Variants in ABR observed in about 807,000 individuals in gnomAD.
The protein encoded by ABR is ABR activator of RhoGEF and GTPase.
Under a neutral mutation model 107.2 loss-of-function variants are expected in ABR, and 35 were observed. The observed-to-expected ratio is 0.33, with a 90% CI of 0.25 to 0.43. The LOEUF is 0.43. Ranked by LOEUF, ABR falls within the 20% of genes least tolerant of loss-of-function variation. The probability of loss-of-function intolerance (pLI) is 1.00; values close to 1 mark genes in which losing one functional copy is unlikely to be tolerated. For missense variants in ABR, 815 were observed against 1,115.2 expected (o/e 0.73, Z 3.83); for synonymous variants, 498 against 462.0 (o/e 1.08, Z -1.00).
chr17:1,144,186 G>T (rs374907909), intron 1 of ABR, among the ~76,000 whole-genome samples: 4 of 152,290 alleles, frequency 2.6e-5, no homozygotes, highest in East Asian at 1.9e-4. Context: ...AGACAGTTAT[G>T]TGCCCACCGA....
In ABR at chr17:1,151,951, G is replaced by A. The variant is rs568032067; in HGVS notation, c.62-26584C>T. On this transcript the variant is annotated intron_variant, in intron 1 of 22. Transcript: ENST00000302538. ...AGGTGGATCACGAGGTCAGGAGATC[G>A]AGACCATCCTGGCTAACACGGGGAA... Among the ~76,000 whole-genome samples the A allele has an allele frequency of 1.5e-4, 23 of 151,542 alleles. No homozygotes were observed. The East Asian group carries it at 1.6e-3, about 11-fold the overall frequency.
At chr17:1,152,597 A>C (rs1423118045) in intron 1 of ABR, among the ~76,000 whole-genome samples, 1 of 152,054 alleles carries the variant, frequency 6.6e-6, no homozygotes, top group African/African-American at 2.4e-5. Flanking sequence ...GTCTCAAAAA[A>C]AAAAAAAGAC....
chr17:1,112,242 C>T (rs865835879), intron 2 of ABR, among the ~76,000 whole-genome samples: 1 of 152,354 alleles, frequency 6.6e-6, no homozygotes, highest in Middle Eastern at 3.4e-3. Context: ...CGTTCTCAGG[C>T]TCTCGATCCG....
upstream of ABR, among the ~76,000 whole-genome samples, chr17:1,191,099 G>A (rs1276574648): frequency 6.6e-6 from 1 of 152,166 alleles, no homozygotes; most frequent in Non-Finnish European, 1.5e-5. Flanking sequence ...AGGTCTGCTG[G>A]GGGCCTGTGC....
At position 1,035,343 on chromosome 17, in the gene ABR, C is replaced by T. The variant is rs539118793; in HGVS notation, c.1791+14707G>A. On this transcript the variant is annotated intron_variant, in intron 16 of 22. Transcript: ENST00000302538. ...CTCCTTCCATCCCCTAAACCTGCTC[C>T]CCCCCACCCCTTCCACCCCCTACAC... 5.5e-3 allele frequency among the ~76,000 whole-genome samples: 678 copies of T among 123,896 alleles called. 9 individuals are homozygous for T. The highest frequency in any genetic ancestry group is 0.02 in the African/African-American group (637 of 32,260). The allele number at this position is 123,896 out of a possible 152,430, so 81.3% of individuals were successfully genotyped here. A position where few individuals can be genotyped will look rare whatever the true frequency, so the allele number is the denominator to read the frequency against.
intron 8 of ABR, among the ~76,000 whole-genome samples, 186 bp downstream of exon 8, chr17:1,072,428 C>A (rs2035313181): frequency 1.0e-5 from 1 of 100,086 alleles, no homozygotes; most frequent in Non-Finnish European, 2.0e-5. Context: ...GAGGGACCTG[C>A]CGCCCGTGTG....
In ABR at chr17:1,070,889, G is replaced by A. The variant is rs544859851; in HGVS notation, c.895-799C>T. 8.5e-4 allele frequency among the ~76,000 whole-genome samples: 130 copies of A among 152,294 alleles called. No homozygotes were observed. Among genetic ancestry groups the A allele is most frequent in the African/African-American group, 2.9e-3 (120 of 41,576 alleles). On this transcript the variant is annotated intron_variant, in intron 8 of 22. Coordinates refer to ENST00000302538, the MANE Select transcript of ABR (RefSeq NM_021962.5). This position sits in a 1 kb window ranked among gnomAD's most constrained non-coding sequence, Gnocchi z 4.2. ...ACAATTAAGATGACCGAGGCCGGGC[G>A]CAGTGGTTCACACCTGTCATCCCAG...
chr17:1,157,965 G>A lies in ABR; in HGVS notation c.61+21702C>T, dbSNP rs747411488. On this transcript the variant is annotated intron_variant, in intron 1 of 22. Transcript: ENST00000302538. The surrounding 1 kb of genome is among the most constrained non-coding windows in gnomAD (Gnocchi z 4.7). ...TTACTTTATGAGGCTCATTTCAAGC[G>A]TGCATGGGTATATGTGTGTGTGCAG... is the stretch of plus-strand genomic sequence containing the variant. Among the ~76,000 whole-genome samples, 2 of 152,240 alleles carry A rather than the reference G, an allele frequency of 1.3e-5. No homozygotes were observed. The highest frequency in any genetic ancestry group is 2.9e-5 in the Non-Finnish European group (2 of 68,050).
intron 9 of ABR, among the ~76,000 whole-genome samples, chr17:1,067,619 A>G (rs191875073): frequency 9.9e-5 from 15 of 152,266 alleles, no homozygotes; most frequent in Middle Eastern, 3.4e-3. Flanking sequence ...CGTGTTCAAT[A>G]TCCTTCAGGC....
At chr17:1,207,574 G>A (rs1258233160) in intron 1 of ABR, among the ~76,000 whole-genome samples, 4 of 149,310 alleles carry the variant, frequency 2.7e-5, no homozygotes, top group East Asian at 2.1e-4. Context: ...GCTTGAACTC[G>A]GGAGGTGGAA....
intron 1 of ABR, among the ~76,000 whole-genome samples, chr17:1,164,232 G>A (rs2041413034): frequency 6.7e-6 from 1 of 150,124 alleles, no homozygotes. Flanking sequence ...AGTGAACATG[G>A]ATGTCGGAGG....
chr17:1,016,362 G>C (rs1330965377), intron 16 of ABR, among the ~76,000 whole-genome samples: 1 of 150,886 alleles, frequency 6.6e-6, no homozygotes, highest in African/African-American at 2.4e-5. Flanking sequence ...TGTCGCCCAG[G>C]CTGGAGTGCA....
chr17:1,177,720 A>G (rs187630037), intron 1 of ABR, among the ~76,000 whole-genome samples: 109 of 152,362 alleles, frequency 7.2e-4, no homozygotes, highest in African/African-American at 2.6e-3. Flanking sequence ...GCAAAGAGCC[A>G]GAAACACTCA....
chr17:1,061,003 AAAAC>A (rs1567676312), intron 10 of ABR, among the ~76,000 whole-genome samples: 1 of 152,038 alleles, frequency 6.6e-6, no homozygotes, highest in African/African-American at 2.4e-5. Context: ...ATCTCAAAAA[AAAAC>A]AAAAAACAAA....
chr17:1,178,108 G>A (rs1162293861), intron 1 of ABR: 1 of 152,386 alleles, frequency 6.6e-6, no homozygotes, highest in Non-Finnish European at 1.5e-5. Context: ...GGCGGGTGGA[G>A]AAGAAGATAC....
Position 1,054,754 on chromosome 17 carries a change from T to G in ABR, c.1561+1281A>C, listed in dbSNP as rs373016311. On this transcript the variant is annotated intron_variant, in intron 14 of 22. Transcript: ENST00000302538. ...GGGGCACAAGGAACCTGAGGGGATG[T>G]GGGCACAAAGAAGGGACAAAGAAGG... Among the ~76,000 whole-genome samples the G allele has an allele frequency of 4.1e-4, 57 of 140,334 alleles. 7 individuals carry two copies. Among genetic ancestry groups the G allele is most frequent in the African/African-American group, 1.4e-3 (51 of 36,470 alleles). 92.1% of individuals were successfully genotyped at this position (140,334 alleles called of 152,430 possible). A position where few individuals can be genotyped will look rare whatever the true frequency, so the allele number is the denominator to read the frequency against.
At chr17:1,168,692 G>A (rs2041601787) in intron 1 of ABR, among the ~76,000 whole-genome samples, 1 of 152,222 alleles carries the variant, frequency 6.6e-6, no homozygotes, top group African/African-American at 2.4e-5. Context: ...GGAGGGGCTT[G>A]AGGACAGACA....
chr17:1,093,402 G>C (rs1458340423), intron 3 of ABR, among the ~76,000 whole-genome samples: 2 of 152,110 alleles, frequency 1.3e-5, no homozygotes, highest in Admixed American at 1.3e-4. Context: ...TCAGGAGGCA[G>C]AGGTTGCAGT....
At position 1,070,923 on chromosome 17, in the gene ABR, G is replaced by A. The variant is rs1345121283; in HGVS notation, c.895-833C>T. ...CACACCTGTCATCCCAGCAATTTGGGAGGCTGAGGCGGGTGGATCACCTGA... is the reference window on the plus strand; with the variant it reads ...CACACCTGTCATCCCAGCAATTTGGAAGGCTGAGGCGGGTGGATCACCTGA... On this transcript the variant is annotated intron_variant, in intron 8 of 22. Transcript: ENST00000302538. The surrounding 1 kb of genome is among the most constrained non-coding windows in gnomAD (Gnocchi z 4.2). Among the ~76,000 whole-genome samples the A allele has an allele frequency of 6.6e-6, 1 of 152,202 alleles. No individual in the cohort carries two copies. The highest frequency in any genetic ancestry group is 2.4e-5 in the African/African-American group (1 of 41,454).
Sources: gnomAD v4.1 joint callset for allele counts (sites outside exome capture counted in the v4.1 genomes callset) on GRCh38, gnomAD v4.1.1 for gene constraint, Gnocchi (gnomAD v3.1) non-coding constraint, MANE v1.5 for transcripts, NCBI Gene and HGNC (gene_info 2026-07-23, HGNC 2026-07-21) for gene names.